DVL2: variants seen among roughly 807,000 people sequenced by gnomAD.
The protein encoded by DVL2 is segment polarity protein dishevelled homolog DVL-2.
Under a neutral mutation model 69.8 loss-of-function variants are expected in DVL2, and 38 were observed. The ratio of observed to expected loss-of-function variants is 0.54; its 90% CI spans 0.42 to 0.71. The LOEUF is 0.71. Among genes scored for constraint, DVL2 ranks in the 30% least tolerant of loss-of-function variants. The probability of loss-of-function intolerance (pLI) is 0.00; values close to 1 mark genes in which losing one functional copy is unlikely to be tolerated. For missense variants in DVL2, 931 were observed against 1,008.1 expected (o/e 0.92, Z 1.04); for synonymous variants, 428 against 392.4 (o/e 1.09, Z -1.07).
chr17:7,229,716 A>T lies in DVL2; in HGVS notation c.657-38T>A. The T allele has an allele frequency of 6.4e-7, 1 of 1,570,162 alleles. No homozygotes were observed. The highest frequency in any genetic ancestry group is 1.2e-5 in the South Asian group (1 of 85,092). ...TGGGAAGGAGAGCAAACGTAGGCCA[A>T]AGTGGTCATGGGGCCAAGAGAAAGA... On this transcript the variant is annotated intron_variant, in intron 5 of 14. Coordinates refer to ENST00000005340, the MANE Select transcript of DVL2 (RefSeq NM_004422.3). This position sits in a 1 kb window ranked among gnomAD's most constrained non-coding sequence, Gnocchi z 4.4.
At position 7,230,099 on chromosome 17, in the gene DVL2, A is replaced by G. The variant is rs772035489; in HGVS notation, c.467T>C (p.Val156Ala). 1.2e-5 allele frequency: 20 copies of G among 1,614,110 alleles called. No homozygotes were observed. Among genetic ancestry groups the G allele is most frequent in the Non-Finnish European group, 1.6e-5 (19 of 1,180,006 alleles). Residue 156 changes from valine (V) to alanine (A), a missense_variant, in exon 4 of 15, where the codon GTA becomes GCA. Physicochemically the swap from Val to Ala is moderately conservative, Grantham distance 64. Coordinates refer to ENST00000005340, the MANE Select transcript of DVL2 (RefSeq NM_004422.3). The part of the protein sequence containing the change: ...NLEPETETES[V>A]VSLRRERPRR... ...AGGCCGCTCCCGCCTCAGTGACACT[A>G]CTGACTCGGTTTCTGTCTCAGGCTC... is the stretch of plus-strand genomic sequence containing the variant.
Position 7,229,615 on chromosome 17 carries a change from C to A in DVL2, c.720G>T (p.Arg240Ser). Residue 240 changes from arginine to serine, a missense_variant, in exon 6 of 15, where the codon AGG becomes AGT. By Grantham distance (110) the Arg-to-Ser change is moderately radical. Transcript: ENST00000005340. The surrounding 1 kb of genome is among the most constrained non-coding windows in gnomAD (Gnocchi z 4.4). ...SRLLKRHRRR[R>S]KQRPPRLERT... Reference sequence around the variant, plus strand: ...TCTCCAGGCGGGGTGGCCTCTGCTTCCTTCGCCGCCGGTGGCGCTTAAGGA... The same window carrying A: ...TCTCCAGGCGGGGTGGCCTCTGCTTACTTCGCCGCCGGTGGCGCTTAAGGA... 6.4e-7 allele frequency: 1 copy of A among 1,554,330 alleles called. No homozygotes were observed. The highest frequency in any genetic ancestry group is 1.7e-4 in the Middle Eastern group (1 of 5,748).
chr17:7,227,629 TG>T, intron 11 of DVL2, 25 bp downstream of exon 11: 4 of 1,613,654 alleles, frequency 2.5e-6, no homozygotes, highest in Non-Finnish European at 3.4e-6. Flanking sequence ...GCTGGGAGGG[TG>T]GGATGAGGTG....
rs752061018 is a variant in DVL2, at chr17:7,230,149, A to G, written c.417T>C (p.Asn139=). 1.9e-6 allele frequency: 3 copies of G among 1,614,026 alleles called. No homozygotes were observed. The highest frequency in any genetic ancestry group is 2.2e-5 in the South Asian group (2 of 91,072). The change falls in exon 4 of 15, where the codon AAT becomes AAC. Residue 139 remains asparagine (N), a synonymous_variant. Transcript: ENST00000005340. ...CCAGATTCTCATGGCTGCTGGACAC[A>G]TTAGGGCTGGACAGGCAGAGATGGT... The part of the protein sequence containing the change: ...GDSRPPSFHP[N]VSSSHENLEP...
At position 7,229,758 on chromosome 17, in the gene DVL2, G is replaced by A. The variant is rs374056400; in HGVS notation, c.656+50C>T. The A allele has an allele frequency of 3.8e-6, 6 of 1,590,944 alleles. No individual in the cohort carries two copies. Among genetic ancestry groups the A allele is most frequent in the Non-Finnish European group, 5.2e-6 (6 of 1,164,468 alleles). The stretch of plus-strand genomic sequence containing the variant: ...AGAGAAAGAACAAGAGGATTGACTG[G>A]AAGACGAGACGGGGCTGGGTGCGCT... On this transcript the variant is annotated intron_variant, in intron 5 of 14. Transcript: ENST00000005340. This position sits in a 1 kb window ranked among gnomAD's most constrained non-coding sequence, Gnocchi z 4.4.
rs770763495 is a variant in DVL2 at position 7,229,207 on chromosome 17, G to A, written c.885C>T (p.Tyr295=). ...QSNERGDGGI[Y]IGSIMKGGAV... is the part of the protein sequence containing the mutation. ...CCCCACCCTTCATGATGGAGCCAAT[G>A]TAGATGCCTCCGTCTCCCCGCTCAT... The change falls in exon 8 of 15, where the codon TAC becomes TAT. Residue 295 remains tyrosine (Y), a synonymous_variant. Coordinates refer to ENST00000005340, the MANE Select transcript of DVL2 (RefSeq NM_004422.3). This position sits in a 1 kb window ranked among gnomAD's most constrained non-coding sequence, Gnocchi z 4.4. The A allele has an allele frequency of 6.2e-7, 1 of 1,614,168 alleles. No individual in the cohort carries two copies. Among genetic ancestry groups the A allele is most frequent in the South Asian group, 1.1e-5 (1 of 91,084 alleles).
rs777896852 is a variant in DVL2 at position 7,226,002 on chromosome 17, C to CTGGAGG, written c.2068_2073dup (p.Pro690_Pro691dup). 8 of 1,613,222 alleles carry CTGGAGG rather than the reference C, an allele frequency of 5.0e-6. No homozygotes were observed. Among genetic ancestry groups the CTGGAGG allele is most frequent in the Middle Eastern group, 1.6e-4 (1 of 6,082 alleles). ...CCCGGAGGCTGCACTGCTGGAGGGA[C>CTGGAGG]TGGAGGTGGAGGTGGGGGCATCATG... On this transcript the variant is annotated inframe_insertion, in exon 15 of 15. Transcript: ENST00000005340.
rs752107513 is a variant in DVL2 at position 7,229,167 on chromosome 17, C to G, written c.925G>C (p.Gly309Arg). Residue 309 changes from glycine (G) to arginine (R), a missense_variant, in exon 8 of 15, where the codon GGG becomes CGG. Physicochemically the swap from Gly to Arg is moderately radical, Grantham distance 125. Coordinates refer to ENST00000005340, the MANE Select transcript of DVL2 (RefSeq NM_004422.3). This position sits in a 1 kb window ranked among gnomAD's most constrained non-coding sequence, Gnocchi z 4.4. ...AGCATGTCCCCTGGCTCAATGCGCC[C>G]GTCGGCCGCCACAGCCCCACCCTTC... ...IMKGGAVAAD[G>R]RIEPGDMLLQ... The G allele has an allele frequency of 3.1e-6, 5 of 1,614,200 alleles. No homozygotes were observed. The South Asian group carries it at 4.4e-5, about 14-fold the overall frequency.
In DVL2 at chr17:7,227,023, C is replaced by T. The variant is rs2071465909; in HGVS notation, c.1543+67G>A. On this transcript the variant is annotated intron_variant, in intron 13 of 14. Transcript: ENST00000005340. ...CCTGGCTGCGGTTTCTGGGCTAGGT[C>T]TAGGGTTGGAGAGGCAGAACAAGGT... is the stretch of plus-strand genomic sequence containing the variant. 5.3e-6 allele frequency: 8 copies of T among 1,507,172 alleles called. No homozygotes were observed. The East Asian group carries it at 1.6e-4, about 30-fold the overall frequency. The allele number at this position is 1,507,172 out of a possible 1,614,324, so 93.4% of individuals were successfully genotyped here. A position where few individuals can be genotyped will look rare whatever the true frequency, so the allele number is the denominator to read the frequency against.
Position 7,227,738 on chromosome 17 carries a change from G to A in DVL2, c.1148C>T (p.Ser383Phe). Residue 383 changes from serine (S) to phenylalanine (F), a missense_variant, in exon 11 of 15, where the codon TCC becomes TTC. By Grantham distance (155) the Ser-to-Phe change is radical (BLOSUM62 -2). Around this residue, in one of 3 missense-constraint regions of DVL2, gnomAD observed 555 missense variants for 588.8 expected, o/e 0.94. Transcript: ENST00000005340. ...PIDPAAWVSH[S>F]AALTGTFPAY... ...TGGGAAGGTGCCAGTCAGAGCCGCGGAATGGGACACCCAGGCAGCAGGGTC... is the reference window on the plus strand; with the variant it reads ...TGGGAAGGTGCCAGTCAGAGCCGCGAAATGGGACACCCAGGCAGCAGGGTC... The A allele has an allele frequency of 6.2e-7, 1 of 1,600,952 alleles. No homozygotes were observed.
chr17:7,226,777 C>CT, intron 13 of DVL2, 138 bp from the exon 14 acceptor site: 2 of 721,996 alleles, frequency 2.8e-6, no homozygotes, highest in Non-Finnish European at 4.3e-6. Context: ...ACAAGGGTCT[C>CT]TGACAAGAAA....
chr17:7,230,576 G>T, intron 2 of DVL2, 146 bp from the exon 3 acceptor site: 1 of 1,336,410 alleles, frequency 7.5e-7, no homozygotes, highest in Non-Finnish European at 1.0e-6. Context: ...GAAGGAGAAG[G>T]CTGAGGGCCT....
chr17:7,228,914 C>T, intron 9 of DVL2, 55 bp downstream of exon 9: 2 of 1,577,860 alleles, frequency 1.3e-6, no homozygotes, highest in Non-Finnish European at 1.7e-6. Context: ...CAAAACAAAA[C>T]ATGAAAGAGA....
chr17:7,226,876 TG>T, intron 13 of DVL2: 1 of 633,182 alleles, frequency 1.6e-6, no homozygotes, highest in Non-Finnish European at 2.7e-6. Flanking sequence ...CTTCCCCCGG[TG>T]GACACAGTCC....
intron 1 of DVL2, among the ~76,000 whole-genome samples, chr17:7,231,589 G>A (rs534343834): frequency 2.0e-5 from 3 of 149,286 alleles, no homozygotes; most frequent in African/African-American, 2.5e-5. Context: ...GAGGCCAGGC[G>A]TAGTGACTCA....
rs759551403 is a variant in DVL2, at chr17:7,234,084, A to G, written c.179T>C (p.Met60Thr). ...TTGCGCTCACCCGAAATCCTGATCC[A>G]TAGACTTGAAAAAGTACTTGGCGCC... ...PAGAKYFFKS[M>T]DQDFGVVKEE... is the part of the protein sequence containing the mutation. Residue 60 changes from methionine to threonine, a missense_variant, in exon 1 of 15, where the codon ATG becomes ACG. Physicochemically the swap from Met to Thr is moderately conservative, Grantham distance 81. Transcript: ENST00000005340. The G allele has an allele frequency of 6.2e-7, 1 of 1,614,086 alleles. No homozygotes were observed. The highest frequency in any genetic ancestry group is 8.5e-7 in the Non-Finnish European group (1 of 1,180,026).
In DVL2 at chr17:7,225,445, G is replaced by C; in HGVS notation, c.*420C>G. The C allele has an allele frequency of 2.3e-6, 1 of 440,032 alleles. No individual in the cohort carries two copies. The highest frequency in any genetic ancestry group is 4.8e-5 in the East Asian group (1 of 20,876). The allele number at this position is 440,032 out of a possible 1,614,324, so 27.3% of individuals were successfully genotyped here. On this transcript the variant is annotated 3_prime_UTR_variant, in exon 15 of 15. Transcript: ENST00000005340. ...CCAAATCTCCCAGCTTCCTCAGGCTGCTGTCTAGGATGCCTAACCCCGGGG... is the reference window on the plus strand; with the variant it reads ...CCAAATCTCCCAGCTTCCTCAGGCTCCTGTCTAGGATGCCTAACCCCGGGG...
chr17:7,231,149 C>T (rs1443006454), intron 1 of DVL2, among the ~76,000 whole-genome samples: 1 of 152,160 alleles, frequency 6.6e-6, no homozygotes, highest in Non-Finnish European at 1.5e-5. Flanking sequence ...CTCCTCTCAA[C>T]CCCACCCCTG....
At position 7,229,872 on chromosome 17, in the gene DVL2, G is replaced by A; in HGVS notation, c.592C>T (p.Leu198Phe). 2 of 1,611,592 alleles carry A rather than the reference G, an allele frequency of 1.2e-6. No homozygotes were observed. Among genetic ancestry groups the A allele is most frequent in the Non-Finnish European group, 1.7e-6 (2 of 1,179,944 alleles). Residue 198 changes from leucine to phenylalanine, a missense_variant, in exon 5 of 15, where the codon CTC (leucine) becomes TTC (phenylalanine). Around this residue, in one of 3 missense-constraint regions of DVL2, gnomAD observed 555 missense variants for 588.8 expected, o/e 0.94. Transcript: ENST00000005340. The surrounding 1 kb of genome is among the most constrained non-coding windows in gnomAD (Gnocchi z 4.4). ...HLAGYESSST[L>F]MTSELESTSL... ...GTACTCTCCAGCTCGCTGGTCATGA[G>A]GGTAGAGGAGCTCTCGTATCCGGCC...
Sources: allele counts gnomAD v4.1 joint callset (sites outside exome capture counted in the v4.1 genomes callset), GRCh38; gene constraint gnomAD v4.1.1; regional missense constraint gnomAD v4.1.1; non-coding constraint Gnocchi (gnomAD v3.1); transcripts MANE v1.5; gene names NCBI Gene and HGNC (gene_info 2026-07-23, HGNC 2026-07-21).